ZFHX3: variants seen among roughly 807,000 people sequenced by gnomAD.
ZFHX3 encodes the protein zinc finger homeobox protein 3.
In ZFHX3, 42 loss-of-function variants were observed where a neutral mutation model predicts 279.1. That is an observed-to-expected ratio of 0.15 (90% CI 0.12 to 0.19). The LOEUF (loss-of-function observed/expected upper bound fraction) is 0.19, where lower values mean the gene tolerates loss of function less well. Among genes scored for constraint, ZFHX3 ranks in the 10% least tolerant of loss-of-function variants. The probability of loss-of-function intolerance (pLI) is 1.00; values close to 1 mark genes in which losing one functional copy is unlikely to be tolerated. For synonymous variants in ZFHX3, 2,293 were observed against 1,957.8 expected, an observed-to-expected ratio of 1.17 and a Z score of -4.52; for missense variants, 4,981 against 4,754.0, an observed-to-expected ratio of 1.05 and a Z score of -1.40.
chr16:73,411,238 TC>T (rs2017460074), intron 3 of ZFHX3, among the ~76,000 whole-genome samples: 1 of 152,246 alleles, frequency 6.6e-6, no homozygotes, highest in Non-Finnish European at 1.5e-5. Flanking sequence ...GCCAAAAATG[TC>T]CTCAATTTTT....
intron 3 of ZFHX3, chr16:73,389,265 T>C (rs1273979954): frequency 6.6e-6 from 1 of 152,050 alleles, no homozygotes; most frequent in East Asian, 1.9e-4. Context: ...GACCTGCTGA[T>C]TCGTTTGTGT....
intron 5 of ZFHX3, among the ~76,000 whole-genome samples, chr16:73,153,214 C>T (rs1415479832): frequency 6.6e-6 from 1 of 152,178 alleles, no homozygotes; most frequent in African/African-American, 2.4e-5. Context: ...TCTCCCAGAG[C>T]TCTCAACTTT....
intron 5 of ZFHX3, among the ~76,000 whole-genome samples, chr16:73,179,832 G>C (rs1173823283): frequency 1.3e-5 from 2 of 152,258 alleles, no homozygotes. Flanking sequence ...GCCGTGACTG[G>C]TTAGAGCATT....
chr16:73,791,264 C>A (rs1313046552), intron 1 of ZFHX3, among the ~76,000 whole-genome samples: 1 of 151,846 alleles, frequency 6.6e-6, no homozygotes. Context: ...CGTGCCCAGC[C>A]CCAACTTCTC....
At chr16:73,740,419 G>A (rs570274444) in intron 1 of ZFHX3, among the ~76,000 whole-genome samples, 2 of 152,154 alleles carry the variant, frequency 1.3e-5, no homozygotes, top group South Asian at 2.1e-4. Flanking sequence ...CTTAAGTGGG[G>A]ACCGTTGGTC....
rs145774727 is a variant in ZFHX3 at position 73,270,332 on chromosome 16, C to T, written c.-1193-13196G>A. ...TTATTTTAGTGGGAATTTGTCAAAT[C>T]TCTCCCACGTGCTTAGAAACATGCA... On this transcript the variant is annotated intron_variant, in intron 4 of 17. Coordinates refer to the ZFHX3 transcript ENST00000641206. Among the ~76,000 whole-genome samples, 564 of 152,292 alleles carry T rather than the reference C, an allele frequency of 3.7e-3. 1 individual carries two copies. Among genetic ancestry groups the T allele is most frequent in the Non-Finnish European group, 6.4e-3 (438 of 68,020 alleles).
intron 2 of ZFHX3, among the ~76,000 whole-genome samples, chr16:73,597,083 C>T (rs2052058640): frequency 6.6e-6 from 1 of 152,166 alleles, no homozygotes; most frequent in Non-Finnish European, 1.5e-5. Context: ...ACCTGAATGA[C>T]TCATATTTCA....
chr16:72,894,054 C>T (rs2038835485), intron 3 of ZFHX3, among the ~76,000 whole-genome samples: 1 of 150,778 alleles, frequency 6.6e-6, no homozygotes, highest in Non-Finnish European at 1.5e-5. Flanking sequence ...GAGGCTGAGG[C>T]AGGAAAATCG....
chr16:73,695,358 T>C (rs28727562), intron 1 of ZFHX3, among the ~76,000 whole-genome samples: 14,623 of 151,206 alleles, frequency 0.097, 768 homozygotes, highest in Non-Finnish European at 0.12. Context: ...TGCCTCAGCC[T>C]CCCAAGTAGC....
chr16:72,788,881 G>A lies in ZFHX3; in HGVS notation c.9428-33C>T, dbSNP rs998736963. On this transcript the variant is annotated intron_variant, in intron 9 of 9. Coordinates refer to ENST00000268489, the MANE Select transcript of ZFHX3 (RefSeq NM_006885.4). ...GAATGGAGACAGAAATCACCGGTCA[G>A]TCTGGGCAGGGGTAGGGCTGAAGCT... 4.0e-6 allele frequency: 6 copies of A among 1,514,650 alleles called. No individual in the cohort carries two copies. In the South Asian group the frequency reaches 8.2e-5, roughly 21 times the overall value. 93.8% of individuals were successfully genotyped at this position (1,514,650 alleles called of 1,614,324 possible). A position where few individuals can be genotyped will look rare whatever the true frequency, so the allele number is the denominator to read the frequency against.
chr16:73,310,009 A>C lies in ZFHX3; in HGVS notation c.-1194+8231T>G, dbSNP rs528977456. On this transcript the variant is annotated intron_variant, in intron 4 of 17. Coordinates refer to the ZFHX3 transcript ENST00000641206. ...CTGCAACCTCCACCTCCCAGGTTCA[A>C]GCGATTCTCCTGCCTCAGCCTCCTG... is the stretch of plus-strand genomic sequence containing the variant. Among the ~76,000 whole-genome samples, 6 of 147,354 alleles carry C rather than the reference A, an allele frequency of 4.1e-5. 1 individual carries two copies. The South Asian group carries it at 1.3e-3, about 32-fold the overall frequency.
intron 2 of ZFHX3, among the ~76,000 whole-genome samples, chr16:73,480,014 C>T (rs184253665): frequency 4.6e-5 from 7 of 152,276 alleles, no homozygotes; most frequent in East Asian, 3.9e-4. Flanking sequence ...GACCTGATGC[C>T]GGTTTTGTTC....
In ZFHX3 at chr16:72,797,127, T is replaced by G. The variant is rs61737017; in HGVS notation, c.5555A>C (p.Gln1852Pro). Residue 1852 changes from glutamine to proline, a missense_variant, in exon 9 of 10, where the codon CAG becomes CCG. This residue lies in a region of ZFHX3 where 1,751 missense variants were observed against 1,770.0 expected (regional missense o/e 0.99). Coordinates refer to ENST00000268489, the MANE Select transcript of ZFHX3 (RefSeq NM_006885.4). Reference sequence around the variant, plus strand: ...TATAGAGAGTTGGTTCTGCTGCTGCTGCGGCAAGATCTGCTGATGGCTCTG... The same window carrying G: ...TATAGAGAGTTGGTTCTGCTGCTGCGGCGGCAAGATCTGCTGATGGCTCTG... ...PQQSHQQILP[Q>P]QQQNQLSIAQ... The G allele has an allele frequency of 5.9e-3, 9,563 of 1,613,858 alleles. 516 individuals are homozygous for G. In the African/African-American group the frequency reaches 0.11, roughly 19 times the overall value.
At chr16:72,970,424 G>A (rs1304107484) in intron 1 of ZFHX3, among the ~76,000 whole-genome samples, 7 of 152,140 alleles carry the variant, frequency 4.6e-5, no homozygotes, top group African/African-American at 1.7e-4. Context: ...TCACGTGGAG[G>A]CCTTTCCACC....
intron 5 of ZFHX3, among the ~76,000 whole-genome samples, chr16:73,237,528 C>CTTTTTTTTT (rs886922274): frequency 1.2e-4 from 10 of 84,174 alleles, no homozygotes; most frequent in Non-Finnish European, 2.0e-4. Context: ...CAAATGCAGC[C>CTTTTTTTTT]TTTTTTTTTT....
intron 3 of ZFHX3, among the ~76,000 whole-genome samples, chr16:73,439,012 A>G (rs183727686): frequency 1.3e-5 from 2 of 152,326 alleles, no homozygotes; most frequent in African/African-American, 4.8e-5. Context: ...AAGGATGGAG[A>G]TTTGGACAAG....
At chr16:73,617,923 C>T (rs992984016) in intron 2 of ZFHX3, among the ~76,000 whole-genome samples, 7 of 152,180 alleles carry the variant, frequency 4.6e-5, no homozygotes, top group African/African-American at 7.2e-5. Flanking sequence ...TGTCATCTCA[C>T]GTTGACTCCC....
intron 4 of ZFHX3, among the ~76,000 whole-genome samples, chr16:72,878,486 G>T (rs1385147723): frequency 6.6e-6 from 1 of 152,286 alleles, no homozygotes; most frequent in Non-Finnish European, 1.5e-5. Context: ...GTCACAAAGG[G>T]CTTTGGACAT....
chr16:73,156,788 A>T (rs1471974209), intron 5 of ZFHX3, among the ~76,000 whole-genome samples: 2 of 151,688 alleles, frequency 1.3e-5, no homozygotes, highest in Non-Finnish European at 2.9e-5. Context: ...ATCTTGGCTC[A>T]CTGCAACCTT....
Sources: gnomAD v4.1 joint callset for allele counts (sites outside exome capture counted in the v4.1 genomes callset) on GRCh38, gnomAD v4.1.1 for gene constraint, gnomAD v4.1.1 regional missense constraint, MANE v1.5 for transcripts, NCBI Gene and HGNC (gene_info 2026-07-23, HGNC 2026-07-21) for gene names.